The following IGF2BP2 variants were observed in gnomAD, a reference collection of about 807,000 sequenced individuals.
The protein encoded by IGF2BP2 is insulin-like growth factor 2 mRNA-binding protein 2.
A neutral mutation model predicts 75.8 loss-of-function variants in IGF2BP2; 17 were observed. The ratio of observed to expected loss-of-function variants is 0.22; its 90% confidence interval spans 0.15 to 0.34. IGF2BP2 has a LOEUF of 0.34. IGF2BP2 is among the 10% of genes least tolerant of loss of function. The pLI is 1.00. For synonymous variants in IGF2BP2, 288 were observed against 295.6 expected, an observed-to-expected ratio of 0.97 and a Z score of 0.26; for missense variants, 516 against 772.4, an observed-to-expected ratio of 0.67 and a Z score of 3.93.
intron 7 of IGF2BP2, among the ~76,000 whole-genome samples, chr3:185,679,167 C>T (rs921176158): frequency 1.3e-5 from 2 of 152,046 alleles, no homozygotes; most frequent in African/African-American, 4.8e-5. Flanking sequence ...TTCTGTATGT[C>T]TAGTAGCTTT....
At chr3:185,715,635 T>TTTTC (rs200432394) in intron 2 of IGF2BP2, among the ~76,000 whole-genome samples, 10 of 151,882 alleles carry the variant, frequency 6.6e-5, no homozygotes, top group South Asian at 2.1e-4. Flanking sequence ...TCATTTCTTT[T>TTTTC]TTTCTTTCTT....
chr3:185,710,373 C>A (rs1239270923), intron 2 of IGF2BP2, among the ~76,000 whole-genome samples: 1 of 152,108 alleles, frequency 6.6e-6, no homozygotes, highest in Non-Finnish European at 1.5e-5. Context: ...CTTTTCCCAA[C>A]ACGCAGAGTC....
At chr3:185,685,760 G>A (rs573525521) in intron 7 of IGF2BP2, among the ~76,000 whole-genome samples, 208 of 152,254 alleles carry the variant, frequency 1.4e-3, no homozygotes, top group Non-Finnish European at 2.1e-3. Flanking sequence ...TTCTGCCTCA[G>A]CCTCCTGAGT....
intron 2 of IGF2BP2, among the ~76,000 whole-genome samples, chr3:185,749,474 CAAG>C (rs929444650): frequency 1.1e-4 from 16 of 152,172 alleles, no homozygotes; most frequent in African/African-American, 3.6e-4. Flanking sequence ...AAAGTTGATA[CAAG>C]AAGTATAAAC....
At chr3:185,720,952 G>C (rs1049045534) in intron 2 of IGF2BP2, among the ~76,000 whole-genome samples, 4 of 152,144 alleles carry the variant, frequency 2.6e-5, no homozygotes, top group African/African-American at 9.7e-5. Context: ...AGGGTAATGT[G>C]GTCAAAGGAA....
At chr3:185,700,900 A>T (rs1217997127) in intron 2 of IGF2BP2, among the ~76,000 whole-genome samples, 1 of 152,204 alleles carries the variant, frequency 6.6e-6, no homozygotes, top group Admixed American at 6.5e-5. Context: ...ATGCACTGTC[A>T]TAGAAAACTC....
chr3:185,656,809 A>G (rs915745261), intron 12 of IGF2BP2, among the ~76,000 whole-genome samples: 2 of 152,218 alleles, frequency 1.3e-5, no homozygotes, highest in African/African-American at 4.8e-5. Context: ...TGCTATGCTC[A>G]GGCTGGGTTG....
At chr3:185,678,147 GAC>G (rs1480222912) in intron 7 of IGF2BP2, among the ~76,000 whole-genome samples, 1 of 152,154 alleles carries the variant, frequency 6.6e-6, no homozygotes, top group Non-Finnish European at 1.5e-5. Flanking sequence ...AAACCACACT[GAC>G]ACACATTATA....
At chr3:185,791,005 C>T (rs1736572531) in intron 2 of IGF2BP2, among the ~76,000 whole-genome samples, 2 of 152,156 alleles carry the variant, frequency 1.3e-5, no homozygotes, top group African/African-American at 4.8e-5. Context: ...AGATATTCTG[C>T]CCCCAGAAAT....
chr3:185,808,129 A>G (rs1241740240), intron 2 of IGF2BP2, among the ~76,000 whole-genome samples: 5 of 122,406 alleles, frequency 4.1e-5, no homozygotes, highest in African/African-American at 1.9e-4. Flanking sequence ...AAAAAAAAAA[A>G]AAAAAAGAAA....
chr3:185,820,977 T>C, intron 2 of IGF2BP2: 1 of 1,532,538 alleles, frequency 6.5e-7, no homozygotes, highest in East Asian at 2.4e-5. Context: ...AGTCTCCATA[T>C]AACATAAAAG....
chr3:185,760,193 A>C lies in IGF2BP2; in HGVS notation c.240-61846T>G, dbSNP rs149537673. ...TAACTGAATGTTCACAATGGAAAGA[A>C]ACTTAGGGACTGCACATTTCAGTTT... On this transcript the variant is annotated intron_variant, in intron 2 of 15. Transcript: ENST00000382199. 6.4e-4 allele frequency among the ~76,000 whole-genome samples: 98 copies of C among 152,310 alleles called. No individual in the cohort carries two copies. The Middle Eastern group carries it at 0.01, about 16-fold the overall frequency.
chr3:185,658,611 C>T (rs1715867168), intron 10 of IGF2BP2, among the ~76,000 whole-genome samples: 1 of 152,196 alleles, frequency 6.6e-6, no homozygotes, highest in Non-Finnish European at 1.5e-5. Flanking sequence ...GGCAAGATGT[C>T]CCCTGGTTGC....
At chr3:185,782,899 T>C (rs1372323091) in intron 2 of IGF2BP2, among the ~76,000 whole-genome samples, 1 of 152,208 alleles carries the variant, frequency 6.6e-6, no homozygotes, top group Non-Finnish European at 1.5e-5. Context: ...CAAAGTCTTG[T>C]GGTGGTTATT....
chr3:185,802,652 G>A (rs965984015), intron 2 of IGF2BP2, among the ~76,000 whole-genome samples: 2 of 152,150 alleles, frequency 1.3e-5, no homozygotes, highest in African/African-American at 2.4e-5. Flanking sequence ...CTGAGAGCTG[G>A]TAGGCAGTTA....
chr3:185,761,601 C>G (rs1229920950), intron 2 of IGF2BP2, among the ~76,000 whole-genome samples: 1 of 152,112 alleles, frequency 6.6e-6, no homozygotes, highest in Admixed American at 6.6e-5. Flanking sequence ...ACATTAAAAC[C>G]CAAGCTTTCT....
At chr3:185,801,592 A>G (rs1738288318) in intron 2 of IGF2BP2, among the ~76,000 whole-genome samples, 1 of 152,088 alleles carries the variant, frequency 6.6e-6, no homozygotes, top group South Asian at 2.1e-4. Flanking sequence ...TAGTTCAACT[A>G]TTGTGGAAGA....
At chr3:185,783,334 G>A (rs1194630114) in intron 2 of IGF2BP2, among the ~76,000 whole-genome samples, 1 of 152,238 alleles carries the variant, frequency 6.6e-6, no homozygotes, top group South Asian at 2.1e-4. Context: ...AGGTGGGAGA[G>A]TGGGCTAGGC....
chr3:185,735,267 T>C (rs1297267340), intron 2 of IGF2BP2, among the ~76,000 whole-genome samples: 1 of 151,682 alleles, frequency 6.6e-6, no homozygotes, highest in Non-Finnish European at 1.5e-5. Flanking sequence ...TCCCTCAGCC[T>C]CCCGAGTAGC....
Sources: allele counts gnomAD v4.1 joint callset (sites outside exome capture counted in the v4.1 genomes callset), GRCh38; gene constraint gnomAD v4.1.1; transcripts MANE v1.5; gene names NCBI Gene and HGNC (gene_info 2026-07-23, HGNC 2026-07-21).